The following SP140 variants were observed in gnomAD, a reference collection of about 807,000 sequenced individuals.
SP140 encodes nuclear body protein SP140.
Under a neutral mutation model 125.0 loss-of-function variants are expected in SP140, and 81 were observed. That is an observed-to-expected ratio of 0.65 (90% confidence interval 0.54 to 0.78). The LOEUF (loss-of-function observed/expected upper bound fraction) is 0.78, where lower values mean the gene tolerates loss of function less well. SP140 is among the 30% of genes least tolerant of loss of function. SP140 has a pLI of 0.00. For missense variants in SP140, 858 were observed against 1,037.0 expected, an observed-to-expected ratio of 0.83 and a Z score of 2.37; for synonymous variants, 312 against 354.0, an observed-to-expected ratio of 0.88 and a Z score of 1.33.
intron 14 of SP140, 32 bp from the exon 15 acceptor site, chr2:230,270,554 C>A (rs2053782040): frequency 1.3e-6 from 2 of 1,580,480 alleles, no homozygotes; most frequent in South Asian, 2.3e-5. Flanking sequence ...TTATTAATTT[C>A]TGTTTCCTCA....
chr2:230,311,800 C>T (rs1024689987), intron 26 of SP140, among the ~76,000 whole-genome samples: 1 of 152,224 alleles, frequency 6.6e-6, no homozygotes, highest in African/African-American at 2.4e-5. Flanking sequence ...ACCAGAACCC[C>T]AGGTCCCTGA....
At chr2:230,251,144 C>T in intron 10 of SP140, 83 bp downstream of exon 10, 1 of 1,134,500 alleles carries the variant, frequency 8.8e-7, no homozygotes, top group Non-Finnish European at 1.3e-6. Context: ...GATTGTCTTT[C>T]CTCCAAGTAT....
chr2:230,294,399 A>T, intron 21 of SP140, 81 bp downstream of exon 21: 2 of 1,068,234 alleles, frequency 1.9e-6, no homozygotes, highest in Non-Finnish European at 2.8e-6. Context: ...TGGGGTCTGA[A>T]ATTGGGTAGG....
At chr2:230,243,899 G>C (rs2049049522) in intron 5 of SP140, 88 bp downstream of exon 5, 1 of 885,834 alleles carries the variant, frequency 1.1e-6, no homozygotes, top group Non-Finnish European at 1.9e-6. Flanking sequence ...ATTTTACTCT[G>C]AGTACATGCC....
chr2:230,281,130 A>G (rs1192272988), intron 15 of SP140, among the ~76,000 whole-genome samples: 1 of 152,174 alleles, frequency 6.6e-6, no homozygotes, highest in Non-Finnish European at 1.5e-5. Flanking sequence ...CTTTCTCTCT[A>G]AAAGCTTTTA....
intron 15 of SP140, among the ~76,000 whole-genome samples, chr2:230,276,920 G>A (rs1439302935): frequency 1.3e-5 from 2 of 152,138 alleles, no homozygotes; most frequent in African/African-American, 2.4e-5. Flanking sequence ...AATTAGAAGT[G>A]GAGCCTGAAG....
At chr2:230,248,157 T>C in intron 8 of SP140, 92 bp downstream of exon 8, 1 of 1,217,964 alleles carries the variant, frequency 8.2e-7, no homozygotes, top group South Asian at 1.4e-5. Flanking sequence ...TTTCTGACAG[T>C]CTCTATCAGA....
At chr2:230,199,757 A>G (rs972017711), upstream of SP140, among the ~76,000 whole-genome samples, 1 of 152,070 alleles carries the variant, frequency 6.6e-6, no homozygotes, top group Non-Finnish European at 1.5e-5. Flanking sequence ...TATTTCCATT[A>G]TCCATAGGAT....
chr2:230,253,177 T>G (rs946732952), intron 10 of SP140, 139 bp from the exon 11 acceptor site: 55 of 653,948 alleles, frequency 8.4e-5, no homozygotes, highest in South Asian at 2.2e-4. Context: ...CACTGAGAAT[T>G]AGAGAGAAGG....
At chr2:230,209,704 G>A (rs967186651) in intron 1 of SP140, among the ~76,000 whole-genome samples, 1 of 152,132 alleles carries the variant, frequency 6.6e-6, no homozygotes, top group Non-Finnish European at 1.5e-5. Flanking sequence ...TTCAGAACAG[G>A]CAATTCCAAT....
intron 24 of SP140, 94 bp from the exon 25 acceptor site, chr2:230,311,060 T>A: frequency 6.3e-7 from 1 of 1,595,446 alleles, no homozygotes; most frequent in Non-Finnish European, 8.5e-7. Context: ...TAGAGAAACT[T>A]GAGGAAGAAG....
intron 1 of SP140, chr2:230,213,169 G>T (rs776591526): frequency 6.6e-5 from 53 of 805,398 alleles, no homozygotes; most frequent in Non-Finnish European, 1.1e-4. Flanking sequence ...CTGATTCATT[G>T]TCATCATTAT....
chr2:230,212,744 TG>T (rs752036353), intron 1 of SP140: 1 of 1,613,718 alleles, frequency 6.2e-7, no homozygotes, highest in Non-Finnish European at 8.5e-7. Context: ...AGGTGTTGGA[TG>T]GGATCTGTTT....
intron 19 of SP140, 33 bp from the exon 20 acceptor site, chr2:230,292,613 A>G (rs2057259645): frequency 1.9e-6 from 3 of 1,613,440 alleles, no homozygotes; most frequent in Non-Finnish European, 2.5e-6. Context: ...GGGAAAAAAG[A>G]GGGCTCAGGA....
intron 19 of SP140, among the ~76,000 whole-genome samples, chr2:230,292,262 C>T (rs191322708): frequency 1.2e-3 from 185 of 152,324 alleles, no homozygotes; most frequent in African/African-American, 4.2e-3. Context: ...CTGCCTCCAA[C>T]ATTGCCCTCA....
chr2:230,210,136 A>G, intron 1 of SP140: 1 of 756,494 alleles, frequency 1.3e-6, no homozygotes, highest in Non-Finnish European at 2.4e-6. Context: ...TGCTTGCCCT[A>G]AGAATTCCCT....
At chr2:230,217,966 G>A (rs1458956349) in intron 3 of SP140, among the ~76,000 whole-genome samples, 1 of 152,222 alleles carries the variant, frequency 6.6e-6, no homozygotes, top group Non-Finnish European at 1.5e-5. Context: ...TAGTAAAAGT[G>A]ACTTAACTGA....
intron 1 of SP140, among the ~76,000 whole-genome samples, chr2:230,210,644 T>A (rs552337918): frequency 6.6e-6 from 1 of 152,288 alleles, no homozygotes; most frequent in East Asian, 1.9e-4. Context: ...CAAAGACATA[T>A]AAAGCTCTGC....
At chr2:230,216,652 G>T in intron 3 of SP140, 1 of 1,121,914 alleles carries the variant, frequency 8.9e-7, no homozygotes, top group Non-Finnish European at 1.3e-6. Flanking sequence ...CCCACCTTCT[G>T]TGATAATGAA....
Sources: gnomAD v4.1 joint callset for allele counts (sites outside exome capture counted in the v4.1 genomes callset) on GRCh38, gnomAD v4.1.1 for gene constraint, MANE v1.5 for transcripts, NCBI Gene and HGNC (gene_info 2026-07-23, HGNC 2026-07-21) for gene names.